The following RHOH variants were observed in gnomAD, a reference collection of about 807,000 sequenced individuals.
RHOH encodes rho-related GTP-binding protein RhoH.
In RHOH, 6 loss-of-function variants were observed where a neutral mutation model predicts 13.8. The observed-to-expected ratio is 0.44, with a 90% confidence interval of 0.24 to 0.86. The LOEUF is 0.86. RHOH is among the 40% of genes least tolerant of loss of function. The probability of loss-of-function intolerance (pLI) is 0.24; values close to 1 mark genes in which losing one functional copy is unlikely to be tolerated. For synonymous variants in RHOH, 117 were observed against 103.0 expected, an observed-to-expected ratio of 1.14 and a Z score of -0.82; for missense variants, 147 against 244.5, an observed-to-expected ratio of 0.60 and a Z score of 2.66.
At chr4:40,197,799 A>T (rs535637635) in intron 1 of RHOH, among the ~76,000 whole-genome samples, 1 of 152,364 alleles carries the variant, frequency 6.6e-6, no homozygotes, top group African/African-American at 2.4e-5. Flanking sequence ...AAAGTGCTCT[A>T]TGATGTATAA....
intron 1 of RHOH, among the ~76,000 whole-genome samples, chr4:40,227,205 C>T (rs1727354000): frequency 6.6e-6 from 1 of 151,986 alleles, no homozygotes; most frequent in African/African-American, 2.4e-5. Context: ...TTGACAGCTA[C>T]CTTTTGAGTA....
At chr4:40,219,542 G>A (rs569459873) in intron 1 of RHOH, among the ~76,000 whole-genome samples, 30 of 152,158 alleles carry the variant, frequency 2.0e-4, no homozygotes, top group Admixed American at 9.8e-4. Context: ...GTTGCGTCTG[G>A]GAAAATGGCC....
intron 2 of RHOH, 158 bp downstream of exon 2, chr4:40,242,992 TGTGTTGG>T: frequency 2.0e-5 from 2 of 101,666 alleles, no homozygotes; most frequent in East Asian, 1.8e-4. Flanking sequence ...TGTGTGTGTG[TGTGTTGG>T]GGGAAGACAG....
intron 1 of RHOH, among the ~76,000 whole-genome samples, chr4:40,235,611 A>G (rs1728473379): frequency 6.8e-6 from 1 of 147,454 alleles, no homozygotes; most frequent in African/African-American, 2.5e-5. Flanking sequence ...AAAAAAAAGA[A>G]AAAAGAAAAA....
chr4:40,205,047 G>C (rs930199648), intron 1 of RHOH, among the ~76,000 whole-genome samples: 1 of 152,154 alleles, frequency 6.6e-6, no homozygotes, highest in Non-Finnish European at 1.5e-5. Flanking sequence ...CAGATCATCT[G>C]AGGTCAGGAG....
In RHOH at chr4:40,238,896, G is replaced by A. The variant is rs551193781; in HGVS notation, c.-330-3818G>A. ...GGAGAATTTCTTTAGGAGAAATTCC[G>A]CTGAATTCAAGCCCATCAGACTCAC... On this transcript the variant is annotated intron_variant, in intron 1 of 2. Transcript: ENST00000381799. 1.3e-4 allele frequency among the ~76,000 whole-genome samples: 20 copies of A among 152,244 alleles called. No individual in the cohort carries two copies. The East Asian group carries it at 1.5e-3, about 12-fold the overall frequency.
intron 1 of RHOH, among the ~76,000 whole-genome samples, chr4:40,201,652 C>T (rs1239323089): frequency 6.6e-6 from 1 of 151,968 alleles, no homozygotes; most frequent in Non-Finnish European, 1.5e-5. Context: ...TCAGGCTCCC[C>T]ACCTTTTTTT....
intron 1 of RHOH, among the ~76,000 whole-genome samples, chr4:40,227,125 C>T (rs1727340767): frequency 6.6e-6 from 1 of 152,090 alleles, no homozygotes; most frequent in African/African-American, 2.4e-5. Context: ...CCACTGCACT[C>T]CAGCCTGGGT....
chr4:40,208,709 A>G (rs2109391221), intron 1 of RHOH, among the ~76,000 whole-genome samples: 1 of 152,308 alleles, frequency 6.6e-6, no homozygotes, highest in African/African-American at 2.4e-5. Context: ...ATTATTCCTA[A>G]GACAACAACG....
At chr4:40,214,672 T>C (rs1725670409) in intron 1 of RHOH, among the ~76,000 whole-genome samples, 1 of 152,196 alleles carries the variant, frequency 6.6e-6, no homozygotes, top group Admixed American at 6.5e-5. Flanking sequence ...AAAACAGGCA[T>C]GTTTGAGAAT....
chr4:40,226,185 T>C lies in RHOH; in HGVS notation c.-330-16529T>C, dbSNP rs116818156. On this transcript the variant is annotated intron_variant, in intron 1 of 2. Transcript: ENST00000381799. Reference sequence around the variant, plus strand: ...AATTCACATTTTGCAGTTGTAGTTATGTGACTTGCCCAAGGTTATACTGCT... The same window carrying C: ...AATTCACATTTTGCAGTTGTAGTTACGTGACTTGCCCAAGGTTATACTGCT... Among the ~76,000 whole-genome samples, 1,201 of 152,266 alleles carry C rather than the reference T, an allele frequency of 7.9e-3. 19 individuals carry two copies. The highest frequency in any genetic ancestry group is 0.027 in the African/African-American group (1,125 of 41,542).
chr4:40,243,357 G>T lies in RHOH; in HGVS notation c.-30G>T. The T allele has an allele frequency of 6.5e-7, 1 of 1,533,778 alleles. No individual in the cohort carries two copies. Among genetic ancestry groups the T allele is most frequent in the South Asian group, 1.3e-5 (1 of 78,686 alleles). On this transcript the variant is annotated 5_prime_UTR_variant, in exon 3 of 3. Coordinates refer to ENST00000381799, the MANE Select transcript of RHOH (RefSeq NM_004310.5). The surrounding 1 kb of genome is among the most constrained non-coding windows in gnomAD (Gnocchi z 6.2). Reference sequence around the variant, plus strand: ...GAGGGCTCTTTTCCCTGGGATTCTGGACTTCAGAGTAGGACAGCAGGCTGG... The same window carrying T: ...GAGGGCTCTTTTCCCTGGGATTCTGTACTTCAGAGTAGGACAGCAGGCTGG...
At chr4:40,215,509 C>T (rs1725769394) in intron 1 of RHOH, among the ~76,000 whole-genome samples, 1 of 152,194 alleles carries the variant, frequency 6.6e-6, no homozygotes, top group African/African-American at 2.4e-5. Flanking sequence ...CCTTCCTTTC[C>T]TTCCTTCTCT....
intron 1 of RHOH, among the ~76,000 whole-genome samples, chr4:40,204,365 G>A (rs992120367): frequency 3.9e-5 from 6 of 152,182 alleles, no homozygotes; most frequent in African/African-American, 1.4e-4. Context: ...AGGGTCTAAC[G>A]CCTGAAATCA....
intron 1 of RHOH, among the ~76,000 whole-genome samples, chr4:40,215,013 G>A (rs1301573990): frequency 1.3e-5 from 2 of 152,182 alleles, no homozygotes; most frequent in East Asian, 1.9e-4. Context: ...TCTTGTGACT[G>A]TAAAGTCATA....
At chr4:40,201,529 A>G (rs1723985618) in intron 1 of RHOH, among the ~76,000 whole-genome samples, 1 of 152,232 alleles carries the variant, frequency 6.6e-6, no homozygotes, top group African/African-American at 2.4e-5. Context: ...AATGCTATAT[A>G]ATATTGTGCT....
intron 1 of RHOH, among the ~76,000 whole-genome samples, chr4:40,223,027 G>A (rs981889783): frequency 2.6e-5 from 4 of 152,214 alleles, no homozygotes; most frequent in Admixed American, 2.0e-4. Flanking sequence ...AGAATTAGAA[G>A]AGGAGGCTGA....
intron 1 of RHOH, among the ~76,000 whole-genome samples, chr4:40,232,510 T>C (rs1020337841): frequency 5.9e-5 from 9 of 152,116 alleles, no homozygotes; most frequent in African/African-American, 2.2e-4. Context: ...CTGCCTTGGC[T>C]TCCCAAAGTG....
In RHOH at chr4:40,246,827, T is replaced by C. The variant is rs2109605639; in HGVS notation, c.*2865T>C. 1 of 152,364 alleles carries C rather than the reference T, an allele frequency of 6.6e-6. No individual in the cohort carries two copies. Among genetic ancestry groups the C allele is most frequent in the Admixed American group, 6.5e-5 (1 of 15,304 alleles). 9.4% of individuals were successfully genotyped at this position (152,364 alleles called of 1,614,324 possible). A position where few individuals can be genotyped will look rare whatever the true frequency, so the allele number is the denominator to read the frequency against. Reference sequence around the variant, plus strand: ...GTTCTACATAAGCACATACTTACTTTTGCCTGCCTAGATGCAGACACAGGT... The same window carrying C: ...GTTCTACATAAGCACATACTTACTTCTGCCTGCCTAGATGCAGACACAGGT... On this transcript the variant is annotated 3_prime_UTR_variant, in exon 3 of 3. Transcript: ENST00000381799.
Sources: allele counts gnomAD v4.1 joint callset (sites outside exome capture counted in the v4.1 genomes callset), GRCh38; gene constraint gnomAD v4.1.1; non-coding constraint Gnocchi (gnomAD v3.1); transcripts MANE v1.5; gene names NCBI Gene and HGNC (gene_info 2026-07-23, HGNC 2026-07-21).